Variants in SPOCK3 observed in about 807,000 individuals in gnomAD.
SPOCK3 encodes testican-3.
Under a neutral mutation model 56.6 loss-of-function variants are expected in SPOCK3, and 30 were observed. That is an observed-to-expected ratio of 0.53 (90% CI 0.40 to 0.72). The LOEUF is 0.72. Among genes scored for constraint, SPOCK3 ranks in the 30% least tolerant of loss-of-function variants. The pLI is 0.00. For synonymous variants in SPOCK3, 196 were observed against 183.3 expected, an observed-to-expected ratio of 1.07 and a Z score of -0.56; for missense variants, 527 against 530.0, an observed-to-expected ratio of 0.99 and a Z score of 0.06.
intron 2 of SPOCK3, among the ~76,000 whole-genome samples, chr4:167,219,517 T>C (rs934512477): frequency 2.0e-5 from 3 of 152,190 alleles, no homozygotes; most frequent in Non-Finnish European, 4.4e-5. Flanking sequence ...TGCAATGTTT[T>C]ACATATCAGA....
At chr4:167,023,603 C>T (rs955492087) in intron 3 of SPOCK3, among the ~76,000 whole-genome samples, 2 of 151,868 alleles carry the variant, frequency 1.3e-5, no homozygotes, top group Non-Finnish European at 1.5e-5. Context: ...CTTTAACAGC[C>T]GTAGTTCTTT....
At chr4:166,941,858 GC>G (rs778234873) in intron 4 of SPOCK3, among the ~76,000 whole-genome samples, 34 of 152,092 alleles carry the variant, frequency 2.2e-4, no homozygotes, top group Non-Finnish European at 3.8e-4. Flanking sequence ...GAATCATTCA[GC>G]CCCAGGCAGT....
chr4:166,889,258 G>GAA lies in SPOCK3; in HGVS notation c.475-16_475-15dup. ...TTCTAGTTTGCACTGTATAAAAAGA[G>GAA]AAAAAAAAAGTAATTCAAATGCTTT... On this transcript the variant is annotated splice_polypyrimidine_tract_variant and intron_variant, in intron 5 of 10. Transcript: ENST00000357545. 3 of 1,428,664 alleles carry GAA rather than the reference G, an allele frequency of 2.1e-6. No individual in the cohort carries two copies. The highest frequency in any genetic ancestry group is 2.3e-5 in the East Asian group (1 of 42,990). 88.5% of individuals were successfully genotyped at this position (1,428,664 alleles called of 1,614,324 possible).
intron 2 of SPOCK3, among the ~76,000 whole-genome samples, chr4:167,222,489 T>A (rs1028906494): frequency 2.9e-5 from 3 of 104,208 alleles, no homozygotes; most frequent in Admixed American, 1.1e-4. Flanking sequence ...AACATATATA[T>A]TACATATGAA....
intron 8 of SPOCK3, among the ~76,000 whole-genome samples, chr4:166,744,336 C>A (rs776121870): frequency 3.9e-5 from 6 of 152,158 alleles, no homozygotes; most frequent in East Asian, 1.9e-4. Flanking sequence ...GATACCCAGG[C>A]AAACAGGGTC....
chr4:166,862,749 A>C (rs1457499724), intron 6 of SPOCK3, among the ~76,000 whole-genome samples: 1 of 151,986 alleles, frequency 6.6e-6, no homozygotes, highest in East Asian at 1.9e-4. Context: ...CCTTATCATT[A>C]TTTTTCTTTC....
chr4:166,868,325 G>A (rs905425151), intron 6 of SPOCK3, among the ~76,000 whole-genome samples: 4 of 151,860 alleles, frequency 2.6e-5, no homozygotes, highest in African/African-American at 7.3e-5. Context: ...CTAGGCATGG[G>A]GGCACAGGCC....
At chr4:167,161,999 C>G (rs1033463313) in intron 2 of SPOCK3, among the ~76,000 whole-genome samples, 2 of 151,916 alleles carry the variant, frequency 1.3e-5, no homozygotes, top group Non-Finnish European at 2.9e-5. Flanking sequence ...ATGTAACAAA[C>G]CTGCACGTTG....
chr4:166,996,200 T>C (rs1748362088), intron 4 of SPOCK3, among the ~76,000 whole-genome samples: 1 of 152,192 alleles, frequency 6.6e-6, no homozygotes, highest in Non-Finnish European at 1.5e-5. Context: ...TTTTTTTCTT[T>C]TAATCCTTCA....
intron 7 of SPOCK3, among the ~76,000 whole-genome samples, chr4:166,778,890 T>G (rs1281864169): frequency 1.3e-5 from 2 of 151,966 alleles, no homozygotes; most frequent in African/African-American, 4.8e-5. Context: ...GCAATAACAC[T>G]GGTAGAAAAA....
At chr4:167,122,538 C>G (rs1019688025) in intron 2 of SPOCK3, among the ~76,000 whole-genome samples, 2 of 152,178 alleles carry the variant, frequency 1.3e-5, no homozygotes, top group East Asian at 3.8e-4. Flanking sequence ...GGTTACAATA[C>G]CTCAGTGAAC....
intron 2 of SPOCK3, among the ~76,000 whole-genome samples, chr4:167,156,466 G>A (rs895846526): frequency 2.0e-5 from 3 of 152,106 alleles, no homozygotes; most frequent in Non-Finnish European, 2.9e-5. Flanking sequence ...GCAATGATTC[G>A]AGCATGAGTG....
At chr4:166,822,985 A>G (rs1029119268) in intron 6 of SPOCK3, among the ~76,000 whole-genome samples, 2 of 152,078 alleles carry the variant, frequency 1.3e-5, no homozygotes, top group Non-Finnish European at 2.9e-5. Context: ...CAAGTAACCA[A>G]AAATACATAC....
chr4:166,768,471 T>A (rs1206364739), intron 7 of SPOCK3, among the ~76,000 whole-genome samples: 3 of 152,174 alleles, frequency 2.0e-5, no homozygotes, highest in East Asian at 1.9e-4. Flanking sequence ...GATATGAAAT[T>A]CTGGGTTGAA....
At chr4:167,205,527 T>TATAA (rs1244616174) in intron 2 of SPOCK3, among the ~76,000 whole-genome samples, 1 of 57,080 alleles carries the variant, frequency 1.8e-5, no homozygotes, top group African/African-American at 8.0e-5. Context: ...ATTATATATA[T>TATAA]TATTATATAA....
intron 2 of SPOCK3, among the ~76,000 whole-genome samples, chr4:167,133,037 T>A (rs1209814322): frequency 1.3e-5 from 2 of 152,182 alleles, no homozygotes; most frequent in African/African-American, 4.8e-5. Flanking sequence ...TATAAACATT[T>A]TCATTATTGC....
At chr4:166,997,353 C>T (rs1362441695) in intron 4 of SPOCK3, among the ~76,000 whole-genome samples, 1 of 152,076 alleles carries the variant, frequency 6.6e-6, no homozygotes, top group African/African-American at 2.4e-5. Flanking sequence ...TCCTCCTTTT[C>T]CTTTTATTTG....
Position 167,044,520 on chromosome 4 carries a change from C to A in SPOCK3, c.235+17972G>T, listed in dbSNP as rs576254284. Among the ~76,000 whole-genome samples the A allele has an allele frequency of 2.6e-5, 4 of 151,910 alleles. No homozygotes were observed. In the East Asian group the frequency reaches 7.7e-4, roughly 29 times the overall value. On this transcript the variant is annotated intron_variant, in intron 3 of 10. Transcript: ENST00000357545. Reference sequence around the variant, plus strand: ...AGAGCCTGTAAGACTGATTTTAGATCTTTCTTATTTTCTCATGTATGCATT... The same window carrying A: ...AGAGCCTGTAAGACTGATTTTAGATATTTCTTATTTTCTCATGTATGCATT...
At chr4:167,208,525 A>T (rs886257285) in intron 2 of SPOCK3, among the ~76,000 whole-genome samples, 1 of 152,122 alleles carries the variant, frequency 6.6e-6, no homozygotes, top group African/African-American at 2.4e-5. Flanking sequence ...CAAATCTAAG[A>T]CTTACTAGCT....
Sources: allele counts gnomAD v4.1 joint callset (sites outside exome capture counted in the v4.1 genomes callset), GRCh38; gene constraint gnomAD v4.1.1; transcripts MANE v1.5; gene names NCBI Gene and HGNC (gene_info 2026-07-23, HGNC 2026-07-21).